ARHGAP22: variants seen among roughly 807,000 people sequenced by gnomAD.
ARHGAP22 encodes the protein rho GTPase-activating protein 22.
Under a neutral mutation model 59.1 loss-of-function variants are expected in ARHGAP22, and 48 were observed. The observed-to-expected ratio is 0.81, with a 90% confidence interval of 0.64 to 1.03. The LOEUF (loss-of-function observed/expected upper bound fraction) is 1.03, where lower values mean the gene tolerates loss of function less well. Ranked by LOEUF, ARHGAP22 falls within the 50% of genes least tolerant of loss-of-function variation. ARHGAP22 has a pLI of 0.00. For synonymous variants in ARHGAP22, 445 were observed against 416.4 expected, an observed-to-expected ratio of 1.07 and a Z score of -0.84; for missense variants, 1,015 against 958.7, an observed-to-expected ratio of 1.06 and a Z score of -0.78.
At chr10:48,600,125 A>G (rs1330263076) in intron 1 of ARHGAP22, among the ~76,000 whole-genome samples, 1 of 152,252 alleles carries the variant, frequency 6.6e-6, no homozygotes. Context: ...AAAGATTAAA[A>G]TAGGACATTT....
At chr10:48,638,972 G>C (rs1198533796) in intron 1 of ARHGAP22, among the ~76,000 whole-genome samples, 1 of 152,172 alleles carries the variant, frequency 6.6e-6, no homozygotes, top group Non-Finnish European at 1.5e-5. Flanking sequence ...AACCATTTCT[G>C]TACTCTGGAA....
At chr10:48,437,005 T>C in the ARHGAP22 span, 1 of 152,240 alleles carries the variant, frequency 6.6e-6, no homozygotes, top group Non-Finnish European at 1.5e-5. Context: ...GCAGACATGC[T>C]TTCAGAAGGT....
chr10:48,447,845 G>C (rs2045516597), intron 9 of ARHGAP22, among the ~76,000 whole-genome samples: 1 of 152,132 alleles, frequency 6.6e-6, no homozygotes, highest in Non-Finnish European at 1.5e-5. Flanking sequence ...CCTCCCCTAA[G>C]TCCATTCTTT....
chr10:48,455,196 T>C (rs532087784), intron 5 of ARHGAP22, 62 bp from the exon 6 acceptor site: 2 of 1,499,822 alleles, frequency 1.3e-6, no homozygotes, highest in South Asian at 2.7e-5. Context: ...CAGGGGTGAC[T>C]GGTACGCCCT....
At chr10:48,534,517 C>T (rs1179755151) in intron 3 of ARHGAP22, among the ~76,000 whole-genome samples, 1 of 152,232 alleles carries the variant, frequency 6.6e-6, no homozygotes, top group Non-Finnish European at 1.5e-5. Flanking sequence ...TTCCCAGCAG[C>T]TGTGATGACA....
At chr10:48,623,725 G>A (rs1025498644) in intron 1 of ARHGAP22, among the ~76,000 whole-genome samples, 3 of 152,160 alleles carry the variant, frequency 2.0e-5, no homozygotes, top group Admixed American at 6.5e-5. Flanking sequence ...GCCCATGTCC[G>A]ATCTCCAGGG....
intron 1 of ARHGAP22, among the ~76,000 whole-genome samples, chr10:48,643,826 A>T (rs997503168): frequency 1.3e-5 from 2 of 151,682 alleles, no homozygotes; most frequent in Non-Finnish European, 2.9e-5. Context: ...TGGTCATGTT[A>T]ATATATGATA....
At chr10:48,573,167 CTGTT>C (rs1463844433) in intron 2 of ARHGAP22, among the ~76,000 whole-genome samples, 1 of 152,204 alleles carries the variant, frequency 6.6e-6, no homozygotes, top group East Asian at 1.9e-4. Flanking sequence ...CTAGACTCCA[CTGTT>C]TGATTGTGTT....
intron 3 of ARHGAP22, chr10:48,524,157 G>T: frequency 2.5e-6 from 3 of 1,193,626 alleles, no homozygotes; most frequent in Non-Finnish European, 3.1e-6. Context: ...TGCCGCCTGC[G>T]CCCCGGGGCG....
chr10:48,441,748 G>A (rs10735225), downstream of ARHGAP22, among the ~76,000 whole-genome samples: 146,567 of 152,128 alleles, frequency 0.96, 70,790 homozygotes, highest in East Asian at 1. Flanking sequence ...CACCGCGCCC[G>A]GCCAGGCACA....
At chr10:48,512,836 C>T (rs2052918432) in intron 3 of ARHGAP22, among the ~76,000 whole-genome samples, 2 of 152,216 alleles carry the variant, frequency 1.3e-5, no homozygotes, top group East Asian at 1.9e-4. Flanking sequence ...CTTAACCCAC[C>T]TCCATGTCAC....
intron 1 of ARHGAP22, among the ~76,000 whole-genome samples, chr10:48,645,626 A>G (rs2062261707): frequency 6.6e-6 from 1 of 152,168 alleles, no homozygotes; most frequent in Non-Finnish European, 1.5e-5. Flanking sequence ...AACTCTCAAC[A>G]AACTAGGAGT....
intron 3 of ARHGAP22, among the ~76,000 whole-genome samples, chr10:48,489,053 G>A (rs571938637): frequency 9.9e-5 from 15 of 152,154 alleles, no homozygotes; most frequent in Non-Finnish European, 1.8e-4. Context: ...CTTCCCTAAC[G>A]TATTTTGAAA....
intron 1 of ARHGAP22, among the ~76,000 whole-genome samples, chr10:48,584,993 C>CA (rs34230451): frequency 0.041 from 5,572 of 137,548 alleles, 271 homozygotes; most frequent in African/African-American, 0.11. Flanking sequence ...GACTCAGTCT[C>CA]AAAAAAAAAA....
chr10:48,465,751 A>G (rs1193379248), intron 4 of ARHGAP22, among the ~76,000 whole-genome samples: 1 of 152,216 alleles, frequency 6.6e-6, no homozygotes, highest in Non-Finnish European at 1.5e-5. Flanking sequence ...CACAATGAGG[A>G]AAGTAATTCT....
chr10:48,615,116 T>C (rs1477254505), intron 1 of ARHGAP22, among the ~76,000 whole-genome samples: 1 of 152,192 alleles, frequency 6.6e-6, no homozygotes, highest in Non-Finnish European at 1.5e-5. Context: ...CAAATACACA[T>C]GCCAAGGTTG....
chr10:48,453,090 A>C (rs757178410), intron 8 of ARHGAP22, among the ~76,000 whole-genome samples: 3 of 152,100 alleles, frequency 2.0e-5, no homozygotes, highest in Non-Finnish European at 4.4e-5. Flanking sequence ...CGCAGGGCAA[A>C]GTTCCTTTTT....
At chr10:48,548,114 G>T (rs1225048290) in intron 3 of ARHGAP22, among the ~76,000 whole-genome samples, 1 of 152,174 alleles carries the variant, frequency 6.6e-6, no homozygotes, top group African/African-American at 2.4e-5. Flanking sequence ...CGGCAAGTGA[G>T]CCATGCCGGG....
chr10:48,580,737 C>G (rs1410596823), intron 2 of ARHGAP22, among the ~76,000 whole-genome samples: 1 of 151,954 alleles, frequency 6.6e-6, no homozygotes, highest in African/African-American at 2.4e-5. Context: ...GGTGTGGTGC[C>G]TAGCCTAGGA....
Sources: gnomAD v4.1 joint callset for allele counts (sites outside exome capture counted in the v4.1 genomes callset) on GRCh38, gnomAD v4.1.1 for gene constraint, MANE v1.5 for transcripts, NCBI Gene and HGNC (gene_info 2026-07-23, HGNC 2026-07-21) for gene names.